The following TNRC6B variants were observed in gnomAD, a reference collection of about 807,000 sequenced individuals.
The protein encoded by TNRC6B is trinucleotide repeat-containing gene 6B protein.
A neutral mutation model predicts 203.6 loss-of-function variants in TNRC6B; 52 were observed. That is an observed-to-expected ratio of 0.26 (90% confidence interval 0.20 to 0.32). The LOEUF (loss-of-function observed/expected upper bound fraction) is 0.32. Ranked by LOEUF, TNRC6B falls within the 10% of genes least tolerant of loss-of-function variation. TNRC6B has a pLI of 1.00. For missense variants in TNRC6B, 1,923 were observed against 2,286.2 expected, an observed-to-expected ratio of 0.84 and a Z score of 3.24; for synonymous variants, 838 against 845.7, an observed-to-expected ratio of 0.99 and a Z score of 0.16.
chr22:40,051,486 T>A (rs2092292951), intron 1 of TNRC6B, among the ~76,000 whole-genome samples: 1 of 152,244 alleles, frequency 6.6e-6, no homozygotes, highest in Admixed American at 6.5e-5. Flanking sequence ...ACTTACCCTT[T>A]GACATTTTGC....
At chr22:40,318,362 A>G (rs1387915178) in intron 21 of TNRC6B, among the ~76,000 whole-genome samples, 2 of 152,114 alleles carry the variant, frequency 1.3e-5, no homozygotes, top group Admixed American at 6.5e-5. Flanking sequence ...CCTGGCTAAC[A>G]TGGTGAAACC....
intron 1 of TNRC6B, among the ~76,000 whole-genome samples, chr22:40,192,198 T>C (rs1191624087): frequency 6.6e-6 from 1 of 152,226 alleles, no homozygotes; most frequent in African/African-American, 2.4e-5. Context: ...TTTTATCCCG[T>C]AGAAAGCAGT....
chr22:40,273,344 TG>T, intron 6 of TNRC6B, 80 bp from the exon 7 acceptor site: 1 of 1,296,432 alleles, frequency 7.7e-7, no homozygotes. Flanking sequence ...GACACGTAAA[TG>T]CTGCATCTGC....
chr22:40,314,957 G>A (rs1294801340), intron 19 of TNRC6B, among the ~76,000 whole-genome samples: 3 of 152,140 alleles, frequency 2.0e-5, no homozygotes, highest in Non-Finnish European at 4.4e-5. Flanking sequence ...CCAGAAGCTG[G>A]TATCTTTAGG....
At chr22:40,231,049 C>CTA (rs1329402109) in intron 1 of TNRC6B, among the ~76,000 whole-genome samples, 14 of 151,838 alleles carry the variant, frequency 9.2e-5, no homozygotes, top group African/African-American at 3.4e-4. Context: ...TTGTCTCTCT[C>CTA]TCTCTATATA....
In TNRC6B at chr22:40,180,182, T is replaced by A. The variant is rs1202419045; in HGVS notation, c.5+2042T>A. ...GCATTGTGGTAGACCTAAAGGAAAATCAGCTCTGATTTTTGTTGCTGTTTT... is the reference window on the plus strand; with the variant it reads ...GCATTGTGGTAGACCTAAAGGAAAAACAGCTCTGATTTTTGTTGCTGTTTT... On this transcript the variant is annotated intron_variant, in intron 1 of 22. Transcript: ENST00000454349. Among the ~76,000 whole-genome samples the A allele has an allele frequency of 3.3e-4, 50 of 152,156 alleles. 1 individual carries two copies. The highest frequency in any genetic ancestry group is 3.3e-3 in the Admixed American group (50 of 15,274).
rs573887988 is a variant in TNRC6B, at chr22:40,324,904, C to T, written c.*1663C>T. On this transcript the variant is annotated 3_prime_UTR_variant, in exon 23 of 23. Coordinates refer to ENST00000454349, the MANE Select transcript of TNRC6B (RefSeq NM_001162501.2). ...GCATCAATGTAGTAGTACTCTGGGC[C>T]GAACAGGGGTCAACGTTTAATCTAC... 1 of 151,706 alleles carries T rather than the reference C, an allele frequency of 6.6e-6. No individual in the cohort carries two copies. Among genetic ancestry groups the T allele is most frequent in the Non-Finnish European group, 1.5e-5 (1 of 67,958 alleles). 9.4% of individuals were successfully genotyped at this position (151,706 alleles called of 1,614,324 possible). A position where few individuals can be genotyped will look rare whatever the true frequency, so the allele number is the denominator to read the frequency against.
chr22:40,267,344 A>G (rs960937187), intron 5 of TNRC6B, among the ~76,000 whole-genome samples: 2 of 152,240 alleles, frequency 1.3e-5, no homozygotes, highest in African/African-American at 2.4e-5. Context: ...ACTATGTTCT[A>G]GATTTTAAAA....
At chr22:40,070,746 C>T (rs2067939469) in intron 1 of TNRC6B, among the ~76,000 whole-genome samples, 1 of 151,544 alleles carries the variant, frequency 6.6e-6, no homozygotes, top group African/African-American at 2.4e-5. Flanking sequence ...ATCAGAAACT[C>T]TTAAGGGCCA....
intron 4 of TNRC6B, among the ~76,000 whole-genome samples, chr22:40,168,617 G>A (rs2068942932): frequency 6.6e-6 from 1 of 152,156 alleles, no homozygotes; most frequent in African/African-American, 2.4e-5. Flanking sequence ...TTGGATTTAG[G>A]TTGCATTGGA....
Position 40,170,591 on chromosome 22 carries a change from T to TTATATTA in TNRC6B, c.113+14414_113+14415insTATATAT, listed in dbSNP as rs1555886858. Among the ~76,000 whole-genome samples the TTATATTA allele has an allele frequency of 3.0e-4, 5 of 16,540 alleles. No individual in the cohort carries two copies. In the African/African-American group the frequency reaches 8.0e-3, roughly 26 times the overall value. The allele number at this position is 16,540 out of a possible 152,430, so 10.9% of individuals were successfully genotyped here. The stretch of plus-strand genomic sequence containing the variant: ...ATTATATATATAGTTTATATATATA[T>TTATATTA]TATATATAGTTTATATATATCCTAT... On this transcript the variant is annotated intron_variant, in intron 4 of 23. Coordinates refer to the TNRC6B transcript ENST00000301923.
intron 1 of TNRC6B, chr22:40,107,036 CT>C: frequency 1.1e-6 from 1 of 929,106 alleles, no homozygotes; most frequent in South Asian, 1.4e-5. Context: ...CAGCAGGAAC[CT>C]TCTTCTTCTT....
intron 4 of TNRC6B, among the ~76,000 whole-genome samples, chr22:40,172,764 A>G (rs189317614): frequency 6.6e-6 from 1 of 152,336 alleles, no homozygotes; most frequent in Admixed American, 6.5e-5. Context: ...CTGTTCAATA[A>G]GAGTTAGATA....
At chr22:40,065,425 C>T (rs2067887240) in intron 1 of TNRC6B, among the ~76,000 whole-genome samples, 1 of 152,096 alleles carries the variant, frequency 6.6e-6, no homozygotes, top group Non-Finnish European at 1.5e-5. Flanking sequence ...CAACTACAGC[C>T]ACCTCTCCTG....
At chr22:40,107,216 C>T (rs934797696) in intron 1 of TNRC6B, 10 of 476,120 alleles carry the variant, frequency 2.1e-5, no homozygotes, top group Admixed American at 3.9e-5. Context: ...AAGCATTTTC[C>T]CATATTATCT....
At chr22:40,106,995 T>G (rs999718844) in intron 1 of TNRC6B, 3 of 1,184,358 alleles carry the variant, frequency 2.5e-6, no homozygotes, top group African/African-American at 3.1e-5. Context: ...TCTGCAAAAT[T>G]CCTTCACTTT....
intron 1 of TNRC6B, among the ~76,000 whole-genome samples, chr22:40,115,949 G>T (rs2068383674): frequency 6.6e-6 from 1 of 152,204 alleles, no homozygotes; most frequent in Non-Finnish European, 1.5e-5. Context: ...GGGAGATAGG[G>T]AGACAAGTCA....
chr22:40,310,854 A>G lies in TNRC6B; in HGVS notation c.4296A>G (p.Ser1432=), dbSNP rs1238467515. 2 of 1,612,712 alleles carry G rather than the reference A, an allele frequency of 1.2e-6. No individual in the cohort carries two copies. Among genetic ancestry groups the G allele is most frequent in the Admixed American group, 3.3e-5 (2 of 59,850 alleles). Residue 1432 remains serine (S), a synonymous_variant, in exon 17 of 23, where the codon TCA becomes TCG. Transcript: ENST00000454349. Reference sequence around the variant, plus strand: ...CCCCTGGTAAAACCCGGGGAGGGTCACCGTACAACCAGTTTGATATCATCC... The same window carrying G: ...CCCCTGGTAAAACCCGGGGAGGGTCGCCGTACAACCAGTTTGATATCATCC... ...IVAPGKTRGG[S]PYNQFDIIPG... is the part of the protein sequence containing the mutation.
At chr22:40,180,971 T>G (rs1367999443) in intron 1 of TNRC6B, among the ~76,000 whole-genome samples, 1 of 151,848 alleles carries the variant, frequency 6.6e-6, no homozygotes. Flanking sequence ...CAGAAAAAAA[T>G]GTCACAGGTT....
Sources: allele counts gnomAD v4.1 joint callset (sites outside exome capture counted in the v4.1 genomes callset), GRCh38; gene constraint gnomAD v4.1.1; transcripts MANE v1.5; gene names NCBI Gene and HGNC (gene_info 2026-07-23, HGNC 2026-07-21).